VAV3: variants seen among roughly 807,000 people sequenced by gnomAD.
VAV3 encodes the protein vav guanine nucleotide exchange factor 3, also known as guanine nucleotide exchange factor VAV3.
VAV3 carries 94 observed loss-of-function variants against 131.2 expected under a neutral mutation model. The observed-to-expected ratio is 0.72, with a 90% CI of 0.61 to 0.85. The LOEUF is 0.85. Ranked by LOEUF, VAV3 falls within the 40% of genes least tolerant of loss-of-function variation. The probability of loss-of-function intolerance (pLI) is 0.00; values close to 1 mark genes in which losing one functional copy is unlikely to be tolerated. For missense variants in VAV3, 939 were observed against 1,002.7 expected (o/e 0.94, Z 0.86); for synonymous variants, 349 against 342.0 (o/e 1.02, Z -0.22).
At chr1:107,915,358 G>A (rs1672557511) in intron 1 of VAV3, among the ~76,000 whole-genome samples, 2 of 152,100 alleles carry the variant, frequency 1.3e-5, no homozygotes, top group Admixed American at 6.5e-5. Flanking sequence ...AAAAACACAT[G>A]AGCCAAGAGA....
intron 15 of VAV3, among the ~76,000 whole-genome samples, chr1:107,727,062 C>T (rs531579921): frequency 7.0e-4 from 107 of 152,334 alleles, no homozygotes; most frequent in Admixed American, 3.9e-3. Flanking sequence ...GATTTGATTA[C>T]ATCATTATTT....
At chr1:107,781,270 G>A (rs1287892816) in intron 2 of VAV3, among the ~76,000 whole-genome samples, 1 of 152,080 alleles carries the variant, frequency 6.6e-6, no homozygotes, top group Admixed American at 6.6e-5. Context: ...GCTTAACTCA[G>A]TAAATGTGAA....
chr1:107,669,452 A>C (rs894893486), intron 19 of VAV3: 1 of 1,289,570 alleles, frequency 7.8e-7, no homozygotes, highest in Non-Finnish European at 1.0e-6. Context: ...GAAATAAAGA[A>C]ATGAAGGAGA....
chr1:107,715,758 T>C (rs1661055226), intron 15 of VAV3, among the ~76,000 whole-genome samples: 1 of 152,200 alleles, frequency 6.6e-6, no homozygotes, highest in African/African-American at 2.4e-5. Flanking sequence ...TGTCAGCCTT[T>C]CCATGTAAGA....
chr1:107,610,408 C>T (rs1338356479), intron 21 of VAV3, among the ~76,000 whole-genome samples: 1 of 151,670 alleles, frequency 6.6e-6, no homozygotes, highest in African/African-American at 2.4e-5. Context: ...TATTTATTAT[C>T]AAGGCAATTT....
intron 1 of VAV3, among the ~76,000 whole-genome samples, chr1:107,939,152 GT>G (rs529303124): frequency 9.2e-5 from 14 of 151,418 alleles, no homozygotes; most frequent in African/African-American, 2.2e-4. Context: ...AATTTGTCTA[GT>G]TTTTTTTTCT....
chr1:107,667,842 G>A (rs957864006), intron 19 of VAV3, among the ~76,000 whole-genome samples: 3 of 152,084 alleles, frequency 2.0e-5, no homozygotes, highest in Non-Finnish European at 4.4e-5. Context: ...ACTAATGAAA[G>A]ATCTAAAACT....
At chr1:107,706,321 C>T (rs773091146) in intron 15 of VAV3, among the ~76,000 whole-genome samples, 5 of 152,100 alleles carry the variant, frequency 3.3e-5, no homozygotes, top group Non-Finnish European at 5.9e-5. Flanking sequence ...CCAGGAGATG[C>T]CTTATGAAAA....
intron 1 of VAV3, among the ~76,000 whole-genome samples, chr1:107,884,734 G>C (rs571367964): frequency 6.6e-6 from 1 of 151,640 alleles, no homozygotes; most frequent in Non-Finnish European, 1.5e-5. Flanking sequence ...ATAAGCATAA[G>C]CATCATGCCT....
chr1:107,813,926 A>G (rs1421491688), intron 2 of VAV3, among the ~76,000 whole-genome samples: 1 of 150,546 alleles, frequency 6.6e-6, no homozygotes, highest in Non-Finnish European at 1.5e-5. Flanking sequence ...GTTGTTGTAA[A>G]TGACAGGATT....
chr1:107,881,916 ACT>A (rs1239441839), intron 1 of VAV3, among the ~76,000 whole-genome samples: 4 of 152,040 alleles, frequency 2.6e-5, no homozygotes, highest in African/African-American at 9.7e-5. Context: ...TCACTACAAA[ACT>A]CTGAATCGCT....
intron 3 of VAV3, chr1:107,777,584 T>C (rs912370531): frequency 2.2e-5 from 9 of 418,486 alleles, no homozygotes; most frequent in Non-Finnish European, 3.9e-5. Flanking sequence ...AACGTGCTTA[T>C]CTGATCTCCC....
At chr1:107,600,319 T>C (rs1419196231) in intron 24 of VAV3, among the ~76,000 whole-genome samples, 1 of 150,606 alleles carries the variant, frequency 6.6e-6, no homozygotes, top group African/African-American at 2.4e-5. Context: ...AAAGCACTTT[T>C]CTGATATTGA....
At position 107,719,822 on chromosome 1, in the gene VAV3, A is replaced by G. The variant is rs575572147; in HGVS notation, c.1503-14761T>C. On this transcript the variant is annotated intron_variant, in intron 15 of 26. Transcript: ENST00000370056. ...TTGGAACCAACCCAAATGTCCAACA[A>G]TGATAGACTGGATTAAGAAAATGTG... is the stretch of plus-strand genomic sequence containing the variant. Among the ~76,000 whole-genome samples, 3 of 152,348 alleles carry G rather than the reference A, an allele frequency of 2.0e-5. No homozygotes were observed. In the South Asian group the frequency reaches 6.2e-4, roughly 32 times the overall value.
intron 15 of VAV3, among the ~76,000 whole-genome samples, chr1:107,732,542 A>G (rs527910973): frequency 7.9e-5 from 12 of 152,346 alleles, no homozygotes; most frequent in Non-Finnish European, 1.6e-4. Context: ...CTTAGCAAAC[A>G]GCACACCAGG....
intron 2 of VAV3, among the ~76,000 whole-genome samples, chr1:107,850,474 G>A (rs1273635512): frequency 6.6e-6 from 1 of 150,972 alleles, no homozygotes; most frequent in African/African-American, 2.4e-5. Flanking sequence ...CACAGGAACA[G>A]ATAAACAAAC....
intron 1 of VAV3, among the ~76,000 whole-genome samples, chr1:107,898,134 C>T (rs1392095118): frequency 1.3e-5 from 2 of 151,700 alleles, no homozygotes; most frequent in Non-Finnish European, 2.9e-5. Flanking sequence ...CAAAACTCAG[C>T]ACCTGTTCTA....
At chr1:107,901,477 C>T (rs1671853151) in intron 1 of VAV3, among the ~76,000 whole-genome samples, 1 of 152,140 alleles carries the variant, frequency 6.6e-6, no homozygotes, top group Non-Finnish European at 1.5e-5. Flanking sequence ...GGATATTCAG[C>T]AGATGCAGTG....
At chr1:107,809,604 C>T (rs1470793772) in intron 2 of VAV3, among the ~76,000 whole-genome samples, 1 of 147,276 alleles carries the variant, frequency 6.8e-6, no homozygotes, top group Non-Finnish European at 1.5e-5. Context: ...AGGGAAAGGA[C>T]CAGAAAATAT....
Sources: gnomAD v4.1 joint callset for allele counts (sites outside exome capture counted in the v4.1 genomes callset) on GRCh38, gnomAD v4.1.1 for gene constraint, MANE v1.5 for transcripts, NCBI Gene and HGNC (gene_info 2026-07-23, HGNC 2026-07-21) for gene names.